KCNQ3: variants seen among roughly 807,000 people sequenced by gnomAD.
KCNQ3 encodes potassium voltage-gated channel subfamily KQT member 3.
Under a neutral mutation model 92.5 loss-of-function variants are expected in KCNQ3, and 30 were observed. The observed-to-expected ratio is 0.32, with a 90% confidence interval of 0.24 to 0.44. KCNQ3 has a LOEUF of 0.44. KCNQ3 is among the 20% of genes least tolerant of loss of function. The pLI is 1.00. For synonymous variants in KCNQ3, 450 were observed against 468.8 expected, an observed-to-expected ratio of 0.96 and a Z score of 0.52; for missense variants, 913 against 1,140.3, an observed-to-expected ratio of 0.80 and a Z score of 2.87.
Position 132,387,584 on chromosome 8 carries a change from A to G in KCNQ3, c.386+92563T>C, listed in dbSNP as rs138219647. ...CATAAAAATGTGAATTTTTTGAAGA[A>G]GGAAAAAACAATGAACTTCAAAGAA... is the stretch of plus-strand genomic sequence containing the variant. On this transcript the variant is annotated intron_variant, in intron 1 of 14. Coordinates refer to ENST00000388996, the MANE Select transcript of KCNQ3 (RefSeq NM_004519.4). 5.3e-5 allele frequency among the ~76,000 whole-genome samples: 8 copies of G among 152,362 alleles called. No individual in the cohort carries two copies. The East Asian group carries it at 1.3e-3, about 26-fold the overall frequency.
intron 1 of KCNQ3, among the ~76,000 whole-genome samples, chr8:132,385,453 T>C (rs1161876506): frequency 6.6e-6 from 1 of 152,192 alleles, no homozygotes; most frequent in East Asian, 1.9e-4. Context: ...AGTGCAGCAG[T>C]GTAGAGACGT....
intron 1 of KCNQ3, among the ~76,000 whole-genome samples, chr8:132,464,588 G>A (rs1822130222): frequency 2.6e-5 from 4 of 152,182 alleles, no homozygotes; most frequent in South Asian, 2.1e-4. Flanking sequence ...TTCCTTCAGT[G>A]TGATAAAAAG....
At chr8:132,163,781 C>A (rs1409727998) in intron 8 of KCNQ3, among the ~76,000 whole-genome samples, 1 of 152,324 alleles carries the variant, frequency 6.6e-6, no homozygotes, top group East Asian at 1.9e-4. Context: ...TCTGCCCCAG[C>A]TCTCATGTTG....
At chr8:132,398,788 C>T (rs575187447) in intron 1 of KCNQ3, among the ~76,000 whole-genome samples, 5 of 152,222 alleles carry the variant, frequency 3.3e-5, no homozygotes, top group African/African-American at 7.2e-5. Context: ...AGAAGGAAGC[C>T]AGCAAATAAA....
intron 8 of KCNQ3, among the ~76,000 whole-genome samples, chr8:132,164,998 C>T (rs1012271891): frequency 6.6e-6 from 1 of 152,202 alleles, no homozygotes; most frequent in Admixed American, 6.5e-5. Flanking sequence ...ACTCCACAGA[C>T]CAGGCCATCT....
chr8:132,480,681 A>AC lies in KCNQ3; in HGVS notation c.-150_-149insG. 2 of 626,890 alleles carry AC rather than the reference A, an allele frequency of 3.2e-6. No individual in the cohort carries two copies. The highest frequency in any genetic ancestry group is 3.8e-6 in the Non-Finnish European group (2 of 524,554). The allele number at this position is 626,890 out of a possible 1,614,324, so 38.8% of individuals were successfully genotyped here. ...GCGCGCCCCTCCCCACCCCCCCCCA[A>AC]AAGCAGGCAAAGGCGGGCCCCCTGG... On this transcript the variant is annotated 5_prime_UTR_variant, in exon 1 of 15. Coordinates refer to ENST00000388996, the MANE Select transcript of KCNQ3 (RefSeq NM_004519.4).
chr8:132,344,254 G>T (rs2130691624), intron 1 of KCNQ3, among the ~76,000 whole-genome samples: 1 of 152,294 alleles, frequency 6.6e-6, no homozygotes, highest in Non-Finnish European at 1.5e-5. Flanking sequence ...TGTATAAACA[G>T]CCCTTACATT....
Position 132,141,239 on chromosome 8 carries a change from G to A in KCNQ3, c.1355C>T (p.Ala452Val), listed in dbSNP as rs201688404. 4 of 1,614,036 alleles carry A rather than the reference G, an allele frequency of 2.5e-6. No individual in the cohort carries two copies. The African/African-American group carries it at 4.0e-5, about 16-fold the overall frequency. The change falls in exon 10 of 15, where the codon GCC (alanine) becomes GTC (valine). Residue 452 changes from alanine (A) to valine (V), a missense_variant. This residue lies in a region of KCNQ3 where 182 missense variants were observed against 234.5 expected (regional missense o/e 0.78). Coordinates refer to ENST00000388996, the MANE Select transcript of KCNQ3 (RefSeq NM_004519.4). ...TTCTTTAGAAGGACTTTCTTCTATG[G>A]CATCTACATTCAGAGGGGTAAATAG... ...GKLFTPLNVDAIEESPSKEPK... is the reference protein window; with the variant it reads ...GKLFTPLNVDVIEESPSKEPK...
intron 1 of KCNQ3, among the ~76,000 whole-genome samples, chr8:132,232,921 C>T (rs1415035748): frequency 6.6e-6 from 1 of 152,172 alleles, no homozygotes; most frequent in Non-Finnish European, 1.5e-5. Context: ...TTAATGCACA[C>T]AGATGCCGTG....
chr8:132,251,549 T>G (rs1465677088), intron 1 of KCNQ3, among the ~76,000 whole-genome samples: 1 of 152,238 alleles, frequency 6.6e-6, no homozygotes, highest in Non-Finnish European at 1.5e-5. Flanking sequence ...GTGTTTCTGA[T>G]GTGTTCCTGT....
At chr8:132,342,979 C>G (rs969175106) in intron 1 of KCNQ3, among the ~76,000 whole-genome samples, 1 of 152,144 alleles carries the variant, frequency 6.6e-6, no homozygotes, top group Non-Finnish European at 1.5e-5. Flanking sequence ...AAGCATAGGG[C>G]CACTTCTTCA....
Position 132,186,123 on chromosome 8 carries a change from C to A in KCNQ3, c.445G>T (p.Glu149Ter). The A allele has an allele frequency of 6.2e-7, 1 of 1,613,910 alleles. No homozygotes were observed. Among genetic ancestry groups the A allele is most frequent in the South Asian group, 1.1e-5 (1 of 91,074 alleles). Residue 149 changes from glutamate to a stop codon, truncating the protein, a stop_gained, in exon 2 of 15, where the codon GAG becomes TAG. Transcript: ENST00000388996. LOFTEE classifies it high-confidence loss of function. ...LAVLTTFKEY[E>*]TVSGDWLLLL... is the part of the protein sequence containing the mutation. ...AGAAGCCAGTCTCCCGAGACAGTCT[C>A]ATACTCCTTGAATGTGGTCAGGACA...
Position 132,180,410 on chromosome 8 carries a change from T to A in KCNQ3, c.605-81A>T, listed in dbSNP as rs111533232. On this transcript the variant is annotated intron_variant, in intron 3 of 14. Coordinates refer to ENST00000388996, the MANE Select transcript of KCNQ3 (RefSeq NM_004519.4). ...AGCAATGGCGTCATCATAGGTGCTG[T>A]TTGCTGGCAGATCAGCATGTGCCAA... The A allele has an allele frequency of 4.7e-3, 7,095 of 1,497,742 alleles. 334 individuals are homozygous for A. In the African/African-American group the frequency reaches 0.087, roughly 18 times the overall value. 92.8% of individuals were successfully genotyped at this position (1,497,742 alleles called of 1,614,324 possible). A position where few individuals can be genotyped will look rare whatever the true frequency, so the allele number is the denominator to read the frequency against.
chr8:132,176,057 C>T (rs1826540999), intron 4 of KCNQ3, among the ~76,000 whole-genome samples: 1 of 152,118 alleles, frequency 6.6e-6, no homozygotes, highest in Non-Finnish European at 1.5e-5. Flanking sequence ...ATGGTGTGGC[C>T]TTGGGCAAAT....
chr8:132,373,862 C>T (rs936588524), intron 1 of KCNQ3, among the ~76,000 whole-genome samples: 2 of 152,146 alleles, frequency 1.3e-5, no homozygotes, highest in Admixed American at 6.5e-5. Context: ...ATCACTCCTG[C>T]ACACTTTTTC....
intron 1 of KCNQ3, among the ~76,000 whole-genome samples, chr8:132,462,242 A>C (rs1360436277): frequency 6.6e-6 from 1 of 151,952 alleles, no homozygotes; most frequent in Non-Finnish European, 1.5e-5. Context: ...TTTGTTGCCC[A>C]GGTTGGAGTG....
intron 1 of KCNQ3, among the ~76,000 whole-genome samples, chr8:132,262,084 C>T (rs148065644): frequency 1.7e-4 from 26 of 152,206 alleles, no homozygotes; most frequent in African/African-American, 5.3e-4. Flanking sequence ...AAAACATTAT[C>T]GTAAGTGAAA....
At chr8:132,469,487 A>G (rs1188700733) in intron 1 of KCNQ3, among the ~76,000 whole-genome samples, 4 of 152,186 alleles carry the variant, frequency 2.6e-5, no homozygotes, top group Non-Finnish European at 4.4e-5. Flanking sequence ...CTCTACTGAA[A>G]GCTCACTCAA....
At chr8:132,313,817 T>C (rs779737177) in intron 1 of KCNQ3, among the ~76,000 whole-genome samples, 1 of 152,212 alleles carries the variant, frequency 6.6e-6, no homozygotes, top group Non-Finnish European at 1.5e-5. Context: ...TTTTCAATAA[T>C]ATGACTGTCT....
Sources: allele counts gnomAD v4.1 joint callset (sites outside exome capture counted in the v4.1 genomes callset), GRCh38; gene constraint gnomAD v4.1.1; regional missense constraint gnomAD v4.1.1; transcripts MANE v1.5; gene names NCBI Gene and HGNC (gene_info 2026-07-23, HGNC 2026-07-21).